The following RIPK1 variants were observed in gnomAD, a reference collection of about 807,000 sequenced individuals.
RIPK1 encodes receptor interacting serine/threonine kinase 1.
RIPK1 carries 27 observed loss-of-function variants against 62.4 expected under a neutral mutation model. That is an observed-to-expected ratio of 0.43 (90% CI 0.32 to 0.60). RIPK1 has a LOEUF of 0.60. Ranked by LOEUF, RIPK1 falls within the 20% of genes least tolerant of loss-of-function variation. The pLI, the probability that RIPK1 is intolerant of heterozygous loss-of-function variation, is 0.07. For synonymous variants in RIPK1, 287 were observed against 303.2 expected (o/e 0.95, Z 0.55); for missense variants, 735 against 831.0 (o/e 0.88, Z 1.42).
intron 2 of RIPK1, among the ~76,000 whole-genome samples, chr6:3,077,382 C>T (rs916496669): frequency 1.3e-5 from 2 of 151,676 alleles, no homozygotes; most frequent in African/African-American, 4.8e-5. Context: ...GTTCTGAGAG[C>T]CTTCCCTTTA....
intron 6 of RIPK1, among the ~76,000 whole-genome samples, chr6:3,089,243 G>A (rs1407950293): frequency 6.6e-6 from 1 of 152,176 alleles, no homozygotes; most frequent in Non-Finnish European, 1.5e-5. Flanking sequence ...TGATGCCAGA[G>A]GAACAGAAAC....
At chr6:3,112,652 T>G (rs1390444332) in intron 10 of RIPK1, among the ~76,000 whole-genome samples, 2 of 152,172 alleles carry the variant, frequency 1.3e-5, no homozygotes, top group African/African-American at 4.8e-5. Context: ...TGTCTCAGCC[T>G]CCTCAGTAAC....
intron 1 of RIPK1, among the ~76,000 whole-genome samples, chr6:3,073,073 A>AG (rs1758824113): frequency 6.6e-6 from 1 of 152,156 alleles, no homozygotes; most frequent in Non-Finnish European, 1.5e-5. Flanking sequence ...GACATAAAGC[A>AG]GGCAACAAAC....
At chr6:3,068,128 C>A (rs1758466388), upstream of RIPK1, 1 of 821,388 alleles carries the variant, frequency 1.2e-6, no homozygotes, top group Non-Finnish European at 1.5e-6. Flanking sequence ...TCACAATTAC[C>A]ATTTTAAAGG....
intron 1 of RIPK1, among the ~76,000 whole-genome samples, chr6:3,073,618 T>C (rs952660026): frequency 2.6e-5 from 4 of 152,166 alleles, no homozygotes; most frequent in African/African-American, 7.2e-5. Flanking sequence ...TTCTCTTGTT[T>C]GGTAATGTCT....
At position 3,072,971 on chromosome 6, in the gene RIPK1, T is replaced by C. The variant is rs1262086105; in HGVS notation, c.-60-3793T>C. Among the ~76,000 whole-genome samples the C allele has an allele frequency of 6.6e-6, 1 of 152,096 alleles. No individual in the cohort carries two copies. Among genetic ancestry groups the C allele is most frequent in the East Asian group, 1.9e-4 (1 of 5,184 alleles). On this transcript the variant is annotated intron_variant, in intron 1 of 10. Transcript: ENST00000259808. The surrounding 1 kb of genome is among the most constrained non-coding windows in gnomAD (Gnocchi z 5.6). The stretch of plus-strand genomic sequence containing the variant: ...CAGTAGGGCCCTGCTGACAGAGTGA[T>C]CCCAGCTGAGAATGTTGGCATTCTC...
intron 6 of RIPK1, 108 bp downstream of exon 6, chr6:3,085,516 GAC>G: frequency 8.5e-7 from 1 of 1,176,194 alleles, no homozygotes; most frequent in Non-Finnish European, 1.2e-6. Context: ...AGTTCGACTT[GAC>G]TTGTGGTTTT....
chr6:3,106,774 T>C (rs1760870095), intron 9 of RIPK1, among the ~76,000 whole-genome samples: 2 of 152,238 alleles, frequency 1.3e-5, no homozygotes, highest in Non-Finnish European at 2.9e-5. Context: ...ATTTCTTCCA[T>C]AGGTTTTATG....
chr6:3,082,995 T>C (rs1458102230), intron 4 of RIPK1, 90 bp from the exon 5 acceptor site: 5 of 1,248,538 alleles, frequency 4.0e-6, no homozygotes, highest in South Asian at 1.3e-5. Context: ...CCGTACCTTA[T>C]GTATAATGGA....
Position 3,081,858 on chromosome 6 carries a change from C to CT in RIPK1, c.459+744dup, listed in dbSNP as rs1415539480. ...CTGGGCAACAAGAGCGAAACTCTGC[C>CT]TTAAAAAAAAAAAAAAAAAAAAAAA... On this transcript the variant is annotated intron_variant, in intron 4 of 10. Transcript: ENST00000259808. Among the ~76,000 whole-genome samples the CT allele has an allele frequency of 6.6e-4, 46 of 70,028 alleles. 1 individual carries two copies. The highest frequency in any genetic ancestry group is 2.6e-3 in the African/African-American group (43 of 16,542). The allele number at this position is 70,028 out of a possible 152,430, so 45.9% of individuals were successfully genotyped here.
chr6:3,100,464 G>T lies in RIPK1; in HGVS notation c.916-3761G>T, dbSNP rs1197669599. Among the ~76,000 whole-genome samples, 5 of 152,084 alleles carry T rather than the reference G, an allele frequency of 3.3e-5. 1 individual carries two copies. Among genetic ancestry groups the T allele is most frequent in the Admixed American group, 3.3e-4 (5 of 15,260 alleles). The stretch of plus-strand genomic sequence containing the variant: ...TCTGGAATGTGTGTGCAAATTCCTA[G>T]AGAGAGAATAAGAGTGATATGCATC... On this transcript the variant is annotated intron_variant, in intron 7 of 10. Coordinates refer to ENST00000259808, the MANE Select transcript of RIPK1 (RefSeq NM_001354930.2).
At position 3,072,575 on chromosome 6, in the gene RIPK1, A is replaced by G. The variant is rs548378102; in HGVS notation, c.-61+3914A>G. ...TCTTTTTAAAATAGTTATTCAATTGATGATGGGCCGGCATACGTTGGGTTC... is the reference window on the plus strand; with the variant it reads ...TCTTTTTAAAATAGTTATTCAATTGGTGATGGGCCGGCATACGTTGGGTTC... On this transcript the variant is annotated intron_variant, in intron 1 of 10. Transcript: ENST00000259808. The surrounding 1 kb of genome is among the most constrained non-coding windows in gnomAD (Gnocchi z 5.6). 1.3e-5 allele frequency among the ~76,000 whole-genome samples: 2 copies of G among 152,238 alleles called. No homozygotes were observed. The highest frequency in any genetic ancestry group is 3.9e-4 in the East Asian group (2 of 5,168).
chr6:3,084,243 A>G (rs1581398322), intron 5 of RIPK1, among the ~76,000 whole-genome samples: 2 of 152,060 alleles, frequency 1.3e-5, no homozygotes, highest in South Asian at 4.1e-4. Flanking sequence ...GGCACATGCA[A>G]CCCTCTCCCT....
At chr6:3,077,075 TTGG>T (rs1396984389) in intron 2 of RIPK1, 88 bp downstream of exon 2, 29 of 1,301,204 alleles carry the variant, frequency 2.2e-5, no homozygotes, top group Non-Finnish European at 2.8e-5. Context: ...TGCGGAGCCG[TTGG>T]TGGGTAGAGT....
At chr6:3,067,481 A>G (rs528337368), upstream of RIPK1, among the ~76,000 whole-genome samples, 114 of 152,272 alleles carry the variant, frequency 7.5e-4, no homozygotes, top group African/African-American at 2.6e-3. Context: ...GCAATTCTTT[A>G]ATGACATGAT....
chr6:3,099,102 G>A (rs796595289), intron 7 of RIPK1, among the ~76,000 whole-genome samples: 1 of 152,284 alleles, frequency 6.6e-6, no homozygotes, highest in African/African-American at 2.4e-5. Flanking sequence ...ATCCATGTAT[G>A]TTTCTTAAGC....
At chr6:3,071,241 C>T (rs551418114) in intron 1 of RIPK1, among the ~76,000 whole-genome samples, 264 of 152,262 alleles carry the variant, frequency 1.7e-3, no homozygotes, top group Non-Finnish European at 3.2e-3. Context: ...CATTTTCTGC[C>T]ATTCTCTTGT....
chr6:3,089,709 T>C, intron 7 of RIPK1, 52 bp downstream of exon 7: 1 of 985,436 alleles, frequency 1.0e-6, no homozygotes, highest in Non-Finnish European at 1.6e-6. Flanking sequence ...ATATATACTG[T>C]CAATCATGAA....
chr6:3,104,402 T>C (rs543110451), intron 8 of RIPK1, 87 bp downstream of exon 8: 3 of 703,878 alleles, frequency 4.3e-6, no homozygotes, highest in African/African-American at 3.6e-5. Flanking sequence ...CAGGACCATA[T>C]GGGAAACAGA....
Sources: gnomAD v4.1 joint callset for allele counts (sites outside exome capture counted in the v4.1 genomes callset) on GRCh38, gnomAD v4.1.1 for gene constraint, Gnocchi (gnomAD v3.1) non-coding constraint, MANE v1.5 for transcripts, NCBI Gene and HGNC (gene_info 2026-07-23, HGNC 2026-07-21) for gene names.